FSTL5: variants seen among roughly 807,000 people sequenced by gnomAD.
The protein encoded by FSTL5 is follistatin like 5, also known as follistatin-related protein 5.
A neutral mutation model predicts 89.1 loss-of-function variants in FSTL5; 62 were observed. The observed-to-expected ratio is 0.70, with a 90% CI of 0.57 to 0.86. FSTL5 has a LOEUF of 0.86. Among genes scored for constraint, FSTL5 ranks in the 40% least tolerant of loss-of-function variants. The probability of loss-of-function intolerance (pLI) is 0.00; values close to 1 mark genes in which losing one functional copy is unlikely to be tolerated. For synonymous variants in FSTL5, 383 were observed against 346.2 expected (o/e 1.11, Z -1.18); for missense variants, 1,057 against 1,001.6 (o/e 1.06, Z -0.75).
At chr4:161,804,535 G>GT (rs4065061) in intron 4 of FSTL5, among the ~76,000 whole-genome samples, 32,334 of 151,602 alleles carry the variant, frequency 0.21, 3,504 homozygotes, top group Middle Eastern at 0.33. Flanking sequence ...TACAACCACT[G>GT]TTTTTTCAAA....
At chr4:161,535,221 G>A (rs1471522422) in intron 10 of FSTL5, among the ~76,000 whole-genome samples, 3 of 151,954 alleles carry the variant, frequency 2.0e-5, no homozygotes, top group African/African-American at 4.8e-5. Flanking sequence ...ATTGACAAGA[G>A]TGCCTAAGAA....
At chr4:161,674,672 G>A (rs1238768244) in intron 6 of FSTL5, among the ~76,000 whole-genome samples, 5 of 152,168 alleles carry the variant, frequency 3.3e-5, no homozygotes, top group African/African-American at 1.2e-4. Flanking sequence ...GTTTGATTGG[G>A]ACATTGCACA....
At chr4:162,091,746 G>T (rs905999883) in intron 2 of FSTL5, among the ~76,000 whole-genome samples, 1 of 151,806 alleles carries the variant, frequency 6.6e-6, no homozygotes, top group Non-Finnish European at 1.5e-5. Flanking sequence ...ATATTGTTGC[G>T]CTATTATTTT....
At chr4:161,460,140 T>C (rs899089412) in intron 13 of FSTL5, among the ~76,000 whole-genome samples, 1 of 152,030 alleles carries the variant, frequency 6.6e-6, no homozygotes, top group African/African-American at 2.4e-5. Context: ...ACAAATTGTA[T>C]CCAGTAAAGT....
chr4:162,015,610 T>C (rs1293232669), intron 3 of FSTL5, among the ~76,000 whole-genome samples: 1 of 152,164 alleles, frequency 6.6e-6, no homozygotes, highest in Non-Finnish European at 1.5e-5. Context: ...CTCCCTTCCT[T>C]ATGATGGATG....
At chr4:161,852,735 G>T (rs1042458234) in intron 4 of FSTL5, among the ~76,000 whole-genome samples, 2 of 152,126 alleles carry the variant, frequency 1.3e-5, no homozygotes, top group Non-Finnish European at 2.9e-5. Context: ...TGATAGACTA[G>T]ATAAAGAAAA....
chr4:161,853,636 T>C (rs1344243996), intron 4 of FSTL5, among the ~76,000 whole-genome samples: 5 of 152,138 alleles, frequency 3.3e-5, no homozygotes, highest in African/African-American at 1.2e-4. Flanking sequence ...TTTGTTTGGA[T>C]ACATGTTTGC....
At chr4:162,014,658 C>G (rs1333051425) in intron 3 of FSTL5, among the ~76,000 whole-genome samples, 2 of 151,990 alleles carry the variant, frequency 1.3e-5, no homozygotes, top group Non-Finnish European at 2.9e-5. Context: ...TGAGATTATC[C>G]AAGTCAAGAA....
At chr4:161,952,210 C>T (rs1195041547) in intron 3 of FSTL5, among the ~76,000 whole-genome samples, 1 of 152,002 alleles carries the variant, frequency 6.6e-6, no homozygotes, top group African/African-American at 2.4e-5. Flanking sequence ...CAGCTGCTCT[C>T]TTCTCTCTCT....
At chr4:161,786,046 C>T (rs1273103920) in intron 4 of FSTL5, among the ~76,000 whole-genome samples, 1 of 151,932 alleles carries the variant, frequency 6.6e-6, no homozygotes, top group Non-Finnish European at 1.5e-5. Context: ...TTCTCTTTGA[C>T]CAAACAAGAG....
intron 15 of FSTL5, among the ~76,000 whole-genome samples, chr4:161,390,806 G>A (rs1361034357): frequency 1.3e-5 from 2 of 151,888 alleles, no homozygotes; most frequent in African/African-American, 4.8e-5. Context: ...GCTTAACATA[G>A]CACTGCCTGT....
At chr4:161,622,333 CT>C (rs1465899442) in intron 7 of FSTL5, among the ~76,000 whole-genome samples, 1 of 151,974 alleles carries the variant, frequency 6.6e-6, no homozygotes, top group Non-Finnish European at 1.5e-5. Context: ...TGTTACACAA[CT>C]TTTTTTGTAA....
At chr4:161,820,773 T>C (rs1180749635) in intron 4 of FSTL5, among the ~76,000 whole-genome samples, 1 of 152,136 alleles carries the variant, frequency 6.6e-6, no homozygotes, top group African/African-American at 2.4e-5. Flanking sequence ...ATATTACTAC[T>C]TGAGAACCAC....
chr4:161,956,955 T>C (rs920706141), intron 3 of FSTL5, among the ~76,000 whole-genome samples: 1 of 152,012 alleles, frequency 6.6e-6, no homozygotes, highest in African/African-American at 2.4e-5. Context: ...TTAAAAAACC[T>C]ATTGAAAGAA....
chr4:161,638,402 G>T (rs923170932), intron 7 of FSTL5, among the ~76,000 whole-genome samples: 2 of 151,940 alleles, frequency 1.3e-5, no homozygotes, highest in Non-Finnish European at 2.9e-5. Flanking sequence ...CAACCATGTC[G>T]TCTGCAAACA....
chr4:161,560,013 T>C (rs1732535185), intron 8 of FSTL5, among the ~76,000 whole-genome samples: 1 of 151,022 alleles, frequency 6.6e-6, no homozygotes, highest in Non-Finnish European at 1.5e-5. Flanking sequence ...CACAAATTTG[T>C]AAACTTTCTT....
intron 6 of FSTL5, among the ~76,000 whole-genome samples, chr4:161,679,957 G>A (rs1021373754): frequency 2.0e-5 from 3 of 151,610 alleles, no homozygotes; most frequent in African/African-American, 7.3e-5. Context: ...ATATTAAACT[G>A]AGTTTTATAT....
At chr4:162,048,178 T>C (rs1738259017) in intron 2 of FSTL5, among the ~76,000 whole-genome samples, 1 of 151,560 alleles carries the variant, frequency 6.6e-6, no homozygotes, top group Non-Finnish European at 1.5e-5. Flanking sequence ...AATACAAAAA[T>C]TAGCTGGGTG....
intron 6 of FSTL5, among the ~76,000 whole-genome samples, chr4:161,658,919 C>T (rs1736613513): frequency 6.6e-6 from 1 of 152,152 alleles, no homozygotes; most frequent in African/African-American, 2.4e-5. Flanking sequence ...ACAATTGCTA[C>T]TAAGTTACCC....
Sources: gnomAD v4.1 joint callset for allele counts (sites outside exome capture counted in the v4.1 genomes callset) on GRCh38, gnomAD v4.1.1 for gene constraint, MANE v1.5 for transcripts, NCBI Gene and HGNC (gene_info 2026-07-23, HGNC 2026-07-21) for gene names.